ST3GAL1: variants seen among roughly 807,000 people sequenced by gnomAD.
The protein encoded by ST3GAL1 is ST3 beta-galactoside alpha-2,3-sialyltransferase 1, also known as CMP-N-acetylneuraminate-beta-galactosamide-alpha-2,3-sialyltransferase 1.
ST3GAL1 carries 16 observed loss-of-function variants against 34.1 expected under a neutral mutation model. That is an observed-to-expected ratio of 0.47 (90% CI 0.32 to 0.71). The LOEUF (loss-of-function observed/expected upper bound fraction) is 0.71, where lower values mean the gene tolerates loss of function less well. Among genes scored for constraint, ST3GAL1 ranks in the 30% least tolerant of loss-of-function variants. ST3GAL1 has a pLI of 0.04. For missense variants in ST3GAL1, 353 were observed against 447.4 expected, an observed-to-expected ratio of 0.79 and a Z score of 1.90; for synonymous variants, 191 against 184.7, an observed-to-expected ratio of 1.03 and a Z score of -0.28.
intron 3 of ST3GAL1, among the ~76,000 whole-genome samples, chr8:133,477,522 C>T (rs1483372020): frequency 7.4e-6 from 1 of 135,026 alleles, no homozygotes; most frequent in East Asian, 2.5e-4. Context: ...TTCCTTACAT[C>T]GGGAGGGGTT....
intron 2 of ST3GAL1, among the ~76,000 whole-genome samples, chr8:133,524,330 A>AG (rs1282727586): frequency 6.6e-6 from 1 of 152,240 alleles, no homozygotes. Flanking sequence ...ACACAAACCC[A>AG]GGCATTGTCC....
intron 2 of ST3GAL1, among the ~76,000 whole-genome samples, chr8:133,526,101 T>G (rs1817965388): frequency 6.6e-6 from 1 of 152,210 alleles, no homozygotes; most frequent in Admixed American, 6.5e-5. Flanking sequence ...GATAGGCCAC[T>G]GCTGCCATCA....
chr8:133,538,392 G>A (rs1168203760), intron 2 of ST3GAL1, among the ~76,000 whole-genome samples: 2 of 152,178 alleles, frequency 1.3e-5, no homozygotes, highest in Non-Finnish European at 2.9e-5. Context: ...GTGGGAGCCT[G>A]TAATCCCAAC....
intron 2 of ST3GAL1, among the ~76,000 whole-genome samples, chr8:133,509,735 G>A (rs979234208): frequency 3.9e-5 from 6 of 152,200 alleles, no homozygotes; most frequent in African/African-American, 1.4e-4. Flanking sequence ...ATGTCCCTCT[G>A]GAGGGCAGTG....
chr8:133,512,228 C>A (rs1586631202), intron 2 of ST3GAL1, among the ~76,000 whole-genome samples: 1 of 152,268 alleles, frequency 6.6e-6, no homozygotes, highest in Admixed American at 6.5e-5. Context: ...TGGTCAAAGG[C>A]CCAAGAGCCC....
At chr8:133,539,043 A>G (rs10956709) in intron 2 of ST3GAL1, among the ~76,000 whole-genome samples, 48,934 of 152,062 alleles carry the variant, frequency 0.32, 9,380 homozygotes, top group East Asian at 0.61. Context: ...ACAAAGGCGT[A>G]AGGGCCACAG....
chr8:133,522,083 T>C (rs1200452667), intron 2 of ST3GAL1, among the ~76,000 whole-genome samples: 1 of 152,188 alleles, frequency 6.6e-6, no homozygotes, highest in Non-Finnish European at 1.5e-5. Flanking sequence ...AGCCCAACTC[T>C]GGGCAGAAAG....
chr8:133,509,896 A>G (rs1817456673), intron 2 of ST3GAL1, among the ~76,000 whole-genome samples: 1 of 152,032 alleles, frequency 6.6e-6, no homozygotes, highest in East Asian at 1.9e-4. Flanking sequence ...CATCTCTACT[A>G]AAAATACAAA....
At chr8:133,477,094 T>C (rs1586597894) in intron 3 of ST3GAL1, among the ~76,000 whole-genome samples, 1 of 152,236 alleles carries the variant, frequency 6.6e-6, no homozygotes, top group East Asian at 1.9e-4. Context: ...GGGCTTTAGA[T>C]GGTCCAGGTT....
chr8:133,477,711 C>A (rs1232148048), intron 3 of ST3GAL1, among the ~76,000 whole-genome samples: 4 of 152,078 alleles, frequency 2.6e-5, no homozygotes, highest in Admixed American at 2.6e-4. Context: ...CTCACCGACA[C>A]CTTGGGATTT....
intron 1 of ST3GAL1, among the ~76,000 whole-genome samples, chr8:133,558,904 G>A (rs1819136265): frequency 6.6e-6 from 1 of 152,150 alleles, no homozygotes; most frequent in South Asian, 2.1e-4. Flanking sequence ...CACTGTGTGT[G>A]TGGAGTTTGC....
chr8:133,489,908 C>A (rs543129783), intron 3 of ST3GAL1, among the ~76,000 whole-genome samples: 1 of 152,106 alleles, frequency 6.6e-6, no homozygotes, highest in African/African-American at 2.4e-5. Flanking sequence ...GTTTGATAAG[C>A]CTGCAGACAA....
intron 3 of ST3GAL1, among the ~76,000 whole-genome samples, chr8:133,477,131 C>T (rs368371981): frequency 6.6e-5 from 10 of 152,168 alleles, no homozygotes; most frequent in Non-Finnish European, 1.3e-4. Flanking sequence ...AGCTGTGGAG[C>T]CTTGGGAAAG....
At chr8:133,557,739 T>G (rs531958347) in intron 1 of ST3GAL1, among the ~76,000 whole-genome samples, 1 of 151,954 alleles carries the variant, frequency 6.6e-6, no homozygotes, top group African/African-American at 2.4e-5. Context: ...TCCCAGCTAC[T>G]TAGGAGGCTG....
intron 5 of ST3GAL1, among the ~76,000 whole-genome samples, chr8:133,475,028 A>C (rs34224475): frequency 0.018 from 2,709 of 152,324 alleles, 49 homozygotes; most frequent in Non-Finnish European, 0.028. Context: ...ATCTGTGAGC[A>C]TGACATTTGG....
At chr8:133,521,529 C>T (rs538865006) in intron 2 of ST3GAL1, among the ~76,000 whole-genome samples, 2 of 152,314 alleles carry the variant, frequency 1.3e-5, no homozygotes, top group South Asian at 4.1e-4. Flanking sequence ...AAACTCCTGA[C>T]CTCGTGATCC....
chr8:133,566,830 A>T (rs1289290789), intron 1 of ST3GAL1, among the ~76,000 whole-genome samples: 1 of 152,200 alleles, frequency 6.6e-6, no homozygotes, highest in African/African-American at 2.4e-5. Context: ...GGAGGCTCTC[A>T]TGGTGTAGGA....
At position 133,528,763 on chromosome 8, in the gene ST3GAL1, T is replaced by C. The variant is rs145582069; in HGVS notation, c.-429+17011A>G. Among the ~76,000 whole-genome samples, 266 of 152,290 alleles carry C rather than the reference T, an allele frequency of 1.7e-3. 2 individuals are homozygous for C. Among genetic ancestry groups the C allele is most frequent in the African/African-American group, 5.8e-3 (242 of 41,560 alleles). On this transcript the variant is annotated intron_variant, in intron 2 of 9. Transcript: ENST00000522652. The stretch of plus-strand genomic sequence containing the variant: ...ACTGCCTGGCCCTTTACAGAAAACA[T>C]TTGCTGCCCCTGGAGCTAGGGTATT...
At chr8:133,460,478 C>T (rs911631268) in intron 9 of ST3GAL1, among the ~76,000 whole-genome samples, 3 of 152,240 alleles carry the variant, frequency 2.0e-5, no homozygotes, top group African/African-American at 7.2e-5. Context: ...TTCTCTGTGG[C>T]CAACATTCAT....
Sources: allele counts gnomAD v4.1 joint callset (sites outside exome capture counted in the v4.1 genomes callset), GRCh38; gene constraint gnomAD v4.1.1; transcripts MANE v1.5; gene names NCBI Gene and HGNC (gene_info 2026-07-23, HGNC 2026-07-21).